The following CPNE4 variants were observed in gnomAD, a reference collection of about 807,000 sequenced individuals.
CPNE4 encodes the protein copine-4.
A neutral mutation model predicts 67.9 loss-of-function variants in CPNE4; 25 were observed. The observed-to-expected ratio is 0.37, with a 90% CI of 0.27 to 0.51. The LOEUF (loss-of-function observed/expected upper bound fraction) is 0.51. CPNE4 is among the 20% of genes least tolerant of loss of function. CPNE4 has a pLI of 0.93. For missense variants in CPNE4, 464 were observed against 690.8 expected (o/e 0.67, Z 3.68); for synonymous variants, 242 against 244.9 (o/e 0.99, Z 0.11).
chr3:131,894,404 G>A (rs965869783), intron 2 of CPNE4, among the ~76,000 whole-genome samples: 4 of 151,826 alleles, frequency 2.6e-5, no homozygotes, highest in Admixed American at 2.6e-4. Flanking sequence ...CTTTTGCACA[G>A]CAAAGGAAAC....
At chr3:131,957,104 A>G (rs1367882980) in intron 1 of CPNE4, among the ~76,000 whole-genome samples, 1 of 152,180 alleles carries the variant, frequency 6.6e-6, no homozygotes, top group African/African-American at 2.4e-5. Flanking sequence ...ATGAATTGGG[A>G]TGCAAAATAA....
At chr3:131,606,530 C>A (rs757414124) in intron 7 of CPNE4, among the ~76,000 whole-genome samples, 4 of 152,162 alleles carry the variant, frequency 2.6e-5, no homozygotes, top group Non-Finnish European at 5.9e-5. Flanking sequence ...CTGGACCCTC[C>A]GTTTTATCAC....
intron 7 of CPNE4, among the ~76,000 whole-genome samples, chr3:131,610,887 A>C (rs1459706296): frequency 2.0e-5 from 3 of 152,150 alleles, no homozygotes; most frequent in African/African-American, 7.2e-5. Flanking sequence ...GATGGAAGAC[A>C]AGAGCATTCT....
At chr3:132,027,506 T>C (rs1249580308) in intron 1 of CPNE4, among the ~76,000 whole-genome samples, 1 of 86,856 alleles carries the variant, frequency 1.2e-5, no homozygotes, top group Admixed American at 8.8e-5. Flanking sequence ...TTTCCTCTTA[T>C]CGTGCCTTTT....
intron 8 of CPNE4, among the ~76,000 whole-genome samples, chr3:131,586,722 C>CTCTG (rs753075283): frequency 0.04 from 5,922 of 148,476 alleles, 166 homozygotes; most frequent in Non-Finnish European, 0.053. Flanking sequence ...GACTTTCTAT[C>CTCTG]TCTATCTGTC....
intron 2 of CPNE4, among the ~76,000 whole-genome samples, chr3:131,827,673 T>C (rs2107985980): frequency 6.6e-6 from 1 of 152,098 alleles, no homozygotes; most frequent in Non-Finnish European, 1.5e-5. Flanking sequence ...AATTATATCA[T>C]AAGAAAAGGT....
intron 2 of CPNE4, among the ~76,000 whole-genome samples, chr3:131,799,271 C>T (rs2084006197): frequency 1.3e-5 from 2 of 152,142 alleles, no homozygotes; most frequent in Non-Finnish European, 2.9e-5. Context: ...TGGGCAGCAT[C>T]ATTAAGACCA....
rs149215074 is a variant in CPNE4, at chr3:131,569,959, T to C, written c.927+5112A>G. 4.0e-3 allele frequency among the ~76,000 whole-genome samples: 615 copies of C among 152,116 alleles called. 4 individuals carry two copies. Among genetic ancestry groups the C allele is most frequent in the African/African-American group, 0.014 (578 of 41,552 alleles). On this transcript the variant is annotated intron_variant, in intron 10 of 15. Transcript: ENST00000429747. ...GCTGGTAAGTCATATTTTATTTTTC[T>C]TTCCTCTCTAGGTATTTTATATATA...
intron 1 of CPNE4, among the ~76,000 whole-genome samples, chr3:131,948,236 T>A (rs2071617921): frequency 6.6e-6 from 1 of 152,042 alleles, no homozygotes; most frequent in Admixed American, 6.6e-5. Flanking sequence ...CACGTGGAGG[T>A]AATTGGATCA....
chr3:131,929,963 G>C (rs1163606417), intron 1 of CPNE4, among the ~76,000 whole-genome samples: 1 of 152,144 alleles, frequency 6.6e-6, no homozygotes, highest in African/African-American at 2.4e-5. Context: ...CCACATGCAG[G>C]ACAGGTCCTC....
At chr3:131,726,601 C>T (rs2082006139) in intron 2 of CPNE4, among the ~76,000 whole-genome samples, 1 of 151,838 alleles carries the variant, frequency 6.6e-6, no homozygotes, top group African/African-American at 2.4e-5. Flanking sequence ...ATCCAGGTTT[C>T]ACATGAGCAA....
intron 7 of CPNE4, among the ~76,000 whole-genome samples, chr3:131,653,321 AT>A (rs201448211): frequency 0.12 from 18,462 of 150,048 alleles, 1,329 homozygotes; most frequent in African/African-American, 0.2. Flanking sequence ...ATTTTTTTGT[AT>A]TTTTTTTAGT....
intron 2 of CPNE4, among the ~76,000 whole-genome samples, chr3:131,724,615 A>G (rs2081961929): frequency 1.3e-5 from 2 of 152,158 alleles, no homozygotes; most frequent in African/African-American, 4.8e-5. Flanking sequence ...ATGCCTCTAT[A>G]CACACACATT....
chr3:131,647,618 C>T (rs1219463222), intron 7 of CPNE4, among the ~76,000 whole-genome samples: 1 of 152,152 alleles, frequency 6.6e-6, no homozygotes, highest in Non-Finnish European at 1.5e-5. Context: ...AAAGCATGGA[C>T]TTTGGAGTTA....
chr3:131,694,031 T>C (rs752167176), intron 5 of CPNE4, among the ~76,000 whole-genome samples: 2 of 152,168 alleles, frequency 1.3e-5, no homozygotes, highest in African/African-American at 2.4e-5. Context: ...CTAAAGTATG[T>C]AGACTCCTGG....
At chr3:131,962,948 T>C (rs1406786966) in intron 1 of CPNE4, among the ~76,000 whole-genome samples, 1 of 152,196 alleles carries the variant, frequency 6.6e-6, no homozygotes, top group African/African-American at 2.4e-5. Context: ...GGCAAAGCTT[T>C]TGGACTCCTG....
At chr3:131,913,133 C>G (rs555528013) in intron 1 of CPNE4, among the ~76,000 whole-genome samples, 22 of 152,076 alleles carry the variant, frequency 1.4e-4, no homozygotes, top group Non-Finnish European at 2.4e-4. Flanking sequence ...GGGCTCCCCC[C>G]ACTCCATCAG....
intron 1 of CPNE4, among the ~76,000 whole-genome samples, chr3:131,914,215 A>T (rs1006913723): frequency 1.3e-5 from 2 of 152,174 alleles, no homozygotes; most frequent in Non-Finnish European, 2.9e-5. Context: ...TAAAGCAAGG[A>T]TTTGAACCCA....
chr3:131,880,208 C>T (rs964482365), intron 2 of CPNE4, among the ~76,000 whole-genome samples: 3 of 151,570 alleles, frequency 2.0e-5, no homozygotes, highest in East Asian at 1.9e-4. Flanking sequence ...CTCCGCCTCC[C>T]GGGTTCACGC....
Sources: gnomAD v4.1 joint callset for allele counts (sites outside exome capture counted in the v4.1 genomes callset) on GRCh38, gnomAD v4.1.1 for gene constraint, MANE v1.5 for transcripts, NCBI Gene and HGNC (gene_info 2026-07-23, HGNC 2026-07-21) for gene names.